TUSC3: variants seen among roughly 807,000 people sequenced by gnomAD.
The protein encoded by TUSC3 is tumor suppressor candidate 3, also known as dolichyl-diphosphooligosaccharide--protein glycosyltransferase subunit TUSC3.
In TUSC3, 45 loss-of-function variants were observed where a neutral mutation model predicts 44.8. The observed-to-expected ratio is 1.00, with a 90% confidence interval of 0.79 to 1.29. The LOEUF (loss-of-function observed/expected upper bound fraction) is 1.29, where lower values mean the gene tolerates loss of function less well. Ranked by LOEUF, TUSC3 falls within the 50% of genes most tolerant of loss-of-function variation. The pLI is 0.00. For synonymous variants in TUSC3, 212 were observed against 152.9 expected, an observed-to-expected ratio of 1.39 and a Z score of -2.85; for missense variants, 519 against 437.9, an observed-to-expected ratio of 1.19 and a Z score of -1.65.
intron 2 of TUSC3, among the ~76,000 whole-genome samples, chr8:15,631,660 T>C (rs1463734765): frequency 6.9e-6 from 1 of 145,648 alleles, no homozygotes; most frequent in African/African-American, 2.6e-5. Flanking sequence ...CTCTTGAGTT[T>C]AAGGCTGTTG....
intron 5 of TUSC3, among the ~76,000 whole-genome samples, chr8:15,668,091 C>G (rs1241867990): frequency 6.6e-6 from 1 of 151,730 alleles, no homozygotes; most frequent in East Asian, 1.9e-4. Flanking sequence ...TAAGTGTTCT[C>G]CCACTGCAGT....
chr8:15,556,738 A>C, intron 1 of TUSC3, among the ~76,000 whole-genome samples: 1 of 141,520 alleles, frequency 7.1e-6, no homozygotes, highest in Admixed American at 7.3e-5. Flanking sequence ...TTTGATTTGC[A>C]TTTCTCTGAT....
At chr8:15,418,259 TATAAC>T (rs1237389398) in intron 1 of TUSC3, among the ~76,000 whole-genome samples, 3 of 152,310 alleles carry the variant, frequency 2.0e-5, no homozygotes, top group East Asian at 3.9e-4. Flanking sequence ...TCTGCCCTGT[TATAAC>T]AATAGGTGGT....
At chr8:15,652,550 G>A (rs1377471009) in intron 3 of TUSC3, among the ~76,000 whole-genome samples, 1 of 152,070 alleles carries the variant, frequency 6.6e-6, no homozygotes, top group Non-Finnish European at 1.5e-5. Flanking sequence ...TCTATAAGCA[G>A]CTTACAGATT....
intron 1 of TUSC3, among the ~76,000 whole-genome samples, chr8:15,419,569 A>G (rs1396065506): frequency 6.6e-6 from 1 of 152,232 alleles, no homozygotes; most frequent in East Asian, 1.9e-4. Flanking sequence ...AAAAGTTTTC[A>G]GTCTACGGTT....
At chr8:15,549,321 A>G (rs11779863) in intron 1 of TUSC3, among the ~76,000 whole-genome samples, 25,500 of 151,306 alleles carry the variant, frequency 0.17, 2,822 homozygotes, top group Non-Finnish European at 0.22. Flanking sequence ...TTACAGGCGC[A>G]CGCCACCACA....
intron 1 of TUSC3, among the ~76,000 whole-genome samples, chr8:15,479,294 C>A (rs191832341): frequency 1.0e-3 from 158 of 152,202 alleles, no homozygotes; most frequent in African/African-American, 3.6e-3. Context: ...TTAATTAGAT[C>A]CCATTTGTCA....
intron 2 of TUSC3, among the ~76,000 whole-genome samples, chr8:15,623,874 G>C (rs1208343309): frequency 6.6e-6 from 1 of 152,058 alleles, no homozygotes; most frequent in Non-Finnish European, 1.5e-5. Context: ...TCACAAGTAG[G>C]GTACTGGCAT....
chr8:15,533,450 G>T (rs1484958223), intron 2 of TUSC3, among the ~76,000 whole-genome samples: 1 of 152,172 alleles, frequency 6.6e-6, no homozygotes, highest in Non-Finnish European at 1.5e-5. Context: ...TCTAATACCT[G>T]TGAAGATAGA....
chr8:15,690,739 C>T (rs1382135334), intron 6 of TUSC3, among the ~76,000 whole-genome samples: 1 of 152,066 alleles, frequency 6.6e-6, no homozygotes, highest in Non-Finnish European at 1.5e-5. Context: ...TATCCCAGCA[C>T]CCCTTACTGA....
intron 6 of TUSC3, among the ~76,000 whole-genome samples, chr8:15,695,093 C>T (rs1809103253): frequency 6.6e-6 from 1 of 152,152 alleles, no homozygotes; most frequent in Non-Finnish European, 1.5e-5. Context: ...GGAGAGGCCA[C>T]TAGTGTCAGT....
chr8:15,748,638 A>C (rs1476273420), intron 9 of TUSC3, 173 bp downstream of exon 9: 1 of 746,072 alleles, frequency 1.3e-6, no homozygotes, highest in Non-Finnish European at 2.5e-6. Context: ...TACACAAAGG[A>C]GATATAAGGC....
chr8:15,652,202 C>G (rs927274913), intron 3 of TUSC3, among the ~76,000 whole-genome samples: 4 of 152,158 alleles, frequency 2.6e-5, no homozygotes, highest in Admixed American at 2.6e-4. Context: ...CTTGGTCTAT[C>G]TCACATGTGA....
intron 1 of TUSC3, among the ~76,000 whole-genome samples, chr8:15,432,667 G>C (rs2410249): frequency 0.79 from 120,426 of 152,014 alleles, 50,119 homozygotes; most frequent in Non-Finnish European, 0.91. Context: ...GCTCTGTAGT[G>C]CTATGGTTAT....
At chr8:15,512,668 G>A (rs1041592272) in intron 2 of TUSC3, among the ~76,000 whole-genome samples, 3 of 151,772 alleles carry the variant, frequency 2.0e-5, no homozygotes, top group African/African-American at 7.3e-5. Context: ...AGCTAGATGG[G>A]AGGCTGAGGC....
chr8:15,816,538 G>A, the TUSC3 span, among the ~76,000 whole-genome samples: 3 of 152,156 alleles, frequency 2.0e-5, no homozygotes, highest in African/African-American at 7.2e-5. Context: ...TGGAAAGGGT[G>A]ACTCTTCTAT....
chr8:15,449,510 G>C (rs1800164606), intron 1 of TUSC3, among the ~76,000 whole-genome samples: 1 of 152,180 alleles, frequency 6.6e-6, no homozygotes, highest in African/African-American at 2.4e-5. Context: ...CAAAAGGGAG[G>C]GGCAGCTTCA....
chr8:15,429,150 G>C (rs1199073821), intron 1 of TUSC3, among the ~76,000 whole-genome samples: 2 of 152,118 alleles, frequency 1.3e-5, no homozygotes, highest in African/African-American at 4.8e-5. Context: ...TTTTGTATAA[G>C]GTGTAAGGAA....
intron 6 of TUSC3, among the ~76,000 whole-genome samples, chr8:15,715,729 G>C (rs1391484616): frequency 6.6e-6 from 1 of 151,766 alleles, no homozygotes; most frequent in African/African-American, 2.4e-5. Context: ...CATTTTTCTA[G>C]CGGTGGTCTC....
Sources: gnomAD v4.1 joint callset for allele counts (sites outside exome capture counted in the v4.1 genomes callset) on GRCh38, gnomAD v4.1.1 for gene constraint, MANE v1.5 for transcripts, NCBI Gene and HGNC (gene_info 2026-07-23, HGNC 2026-07-21) for gene names.